ABCA4: variants seen among roughly 807,000 people sequenced by gnomAD.
The protein encoded by ABCA4 is retinal-specific phospholipid-transporting ATPase ABCA4.
Under a neutral mutation model 263.7 loss-of-function variants are expected in ABCA4, and 196 were observed. The observed-to-expected ratio is 0.74, with a 90% CI of 0.66 to 0.84. The LOEUF is 0.84. ABCA4 is among the 40% of genes least tolerant of loss of function. ABCA4 has a pLI of 0.00. For missense variants in ABCA4, 2,792 were observed against 2,855.1 expected (o/e 0.98, Z 0.50); for synonymous variants, 1,133 against 1,094.2 (o/e 1.04, Z -0.70).
At chr1:94,106,356 C>T (rs1662433813) in intron 4 of ABCA4, among the ~76,000 whole-genome samples, 1 of 152,174 alleles carries the variant, frequency 6.6e-6, no homozygotes, top group African/African-American at 2.4e-5. Context: ...ACACTTCCTC[C>T]CAGCAGGACT....
intron 16 of ABCA4, among the ~76,000 whole-genome samples, chr1:94,054,223 A>G (rs1400310479): frequency 1.3e-5 from 2 of 152,262 alleles, no homozygotes; most frequent in East Asian, 3.8e-4. Flanking sequence ...AAGGTCAGGC[A>G]CTATTCTGGG....
chr1:94,116,982 CTTTCTTTCTTTCTTTCTTTCTTTCT>C (rs1279852271), intron 1 of ABCA4, among the ~76,000 whole-genome samples: 2 of 105,402 alleles, frequency 1.9e-5, no homozygotes, highest in African/African-American at 7.3e-5. Flanking sequence ...TTCTTTCTTT[CTTTCTTTCTTTCTTTCTTTCTTTCT>C]TTCTTTCTTT....
At chr1:94,080,026 T>C (rs918443803) in intron 8 of ABCA4, among the ~76,000 whole-genome samples, 1 of 151,368 alleles carries the variant, frequency 6.6e-6, no homozygotes, top group African/African-American at 2.4e-5. Flanking sequence ...GTGGGGAAGA[T>C]GATTTGCCAG....
chr1:94,070,471 T>C (rs1661373620), intron 11 of ABCA4, among the ~76,000 whole-genome samples: 1 of 152,188 alleles, frequency 6.6e-6, no homozygotes, highest in Admixed American at 6.5e-5. Flanking sequence ...TGAAATTGTC[T>C]TTCTTCCTTG....
At chr1:94,083,721 T>C (rs1661763490) in intron 6 of ABCA4, among the ~76,000 whole-genome samples, 1 of 152,214 alleles carries the variant, frequency 6.6e-6, no homozygotes, top group Admixed American at 6.5e-5. Flanking sequence ...TTCTAATTGC[T>C]GTTTTAGTGA....
intron 11 of ABCA4, among the ~76,000 whole-genome samples, chr1:94,073,254 C>T (rs914193552): frequency 2.0e-5 from 3 of 152,176 alleles, no homozygotes; most frequent in Non-Finnish European, 4.4e-5. Flanking sequence ...TTCATTGCCC[C>T]TTGCTTTCCT....
Position 94,077,767 on chromosome 1 carries a change from C to T in ABCA4, c.1477G>A (p.Asp493Asn), listed in dbSNP as rs541850518. The change falls in exon 11 of 50, where the codon GAC becomes AAC. Residue 493 changes from aspartate to asparagine, a missense_variant. Asp to Asn is a conservative substitution (Grantham distance 23). Coordinates refer to ENST00000370225, the MANE Select transcript of ABCA4 (RefSeq NM_000350.3). Reference sequence around the variant, plus strand: ...TCCCTCCAGTCGAAGTTGGCCATGTCGTCAGCCTGGCTTTCCCGAGGGCCC... The same window carrying T: ...TCCCTCCAGTCGAAGTTGGCCATGTTGTCAGCCTGGCTTTCCCGAGGGCCC... ...YKGPRESQAD[D>N]MANFDWRDIF... is the part of the protein sequence containing the mutation. 175 of 1,614,144 alleles carry T rather than the reference C, an allele frequency of 1.1e-4. 2 individuals carry two copies. In the South Asian group the frequency reaches 1.6e-3, roughly 14 times the overall value.
At chr1:94,082,610 C>T (rs920453229) in intron 7 of ABCA4, among the ~76,000 whole-genome samples, 1 of 152,130 alleles carries the variant, frequency 6.6e-6, no homozygotes, top group Non-Finnish European at 1.5e-5. Flanking sequence ...TGCAGTTTTC[C>T]AGGTTGGTGG....
chr1:94,099,375 G>T (rs1483436072), intron 5 of ABCA4, among the ~76,000 whole-genome samples: 1 of 152,208 alleles, frequency 6.6e-6, no homozygotes, highest in Non-Finnish European at 1.5e-5. Context: ...AGTAAGGAAT[G>T]CAGTCCTGCT....
At chr1:94,067,487 A>T (rs1156592758) in intron 11 of ABCA4, among the ~76,000 whole-genome samples, 1 of 152,188 alleles carries the variant, frequency 6.6e-6, no homozygotes, top group African/African-American at 2.4e-5. Flanking sequence ...AAAAAACTTA[A>T]AAGATTCTCA....
At chr1:94,060,473 C>T (rs1269116642) in intron 14 of ABCA4, 64 bp downstream of exon 14, 1 of 1,461,712 alleles carries the variant, frequency 6.8e-7, no homozygotes. Flanking sequence ...GGCACATGAA[C>T]AGGAGGAAAG....
In ABCA4 at chr1:94,108,700, G is replaced by C. The variant is rs765429911; in HGVS notation, c.319C>G (p.Arg107Gly). The change falls in exon 4 of 50, where the codon CGA (arginine) becomes GGA (glycine). Residue 107 changes from arginine (R) to glycine (G), a missense_variant. Arg to Gly is a moderately radical substitution (Grantham distance 125, BLOSUM62 -2). Coordinates refer to ENST00000370225, the MANE Select transcript of ABCA4 (RefSeq NM_000350.3). Reference protein sequence around the residue: ...YNNSILARVYRDFQELLMNAP... With the variant: ...YNNSILARVYGDFQELLMNAP... ...TTCATGAGGAGTTCTTGAAAATCTC[G>C]ATATACCCTTGCCAAGCTGTAAGGA... 2 of 1,613,936 alleles carry C rather than the reference G, an allele frequency of 1.2e-6. No homozygotes were observed. Among genetic ancestry groups the C allele is most frequent in the African/African-American group, 1.3e-5 (1 of 75,002 alleles).
At chr1:94,029,694 T>C in intron 29 of ABCA4, 63 bp from the exon 30 acceptor site, 1 of 1,485,212 alleles carries the variant, frequency 6.7e-7, no homozygotes. Context: ...TCCCTAGGCA[T>C]AAGAAATTGT....
rs886044733 is a variant in ABCA4, at chr1:94,044,754, A to G, written c.2919-10T>C. The stretch of plus-strand genomic sequence containing the variant: ...ACCCGTCAGGATGGACCTGCAGAAC[A>G]CAGGCGTCAGTGGCAGAAGAGATGG... On this transcript the variant is annotated splice_polypyrimidine_tract_variant and intron_variant, in intron 19 of 49. Transcript: ENST00000370225. 9 of 1,614,094 alleles carry G rather than the reference A, an allele frequency of 5.6e-6. No individual in the cohort carries two copies. The highest frequency in any genetic ancestry group is 7.6e-6 in the Non-Finnish European group (9 of 1,180,032).
intron 4 of ABCA4, among the ~76,000 whole-genome samples, chr1:94,104,181 C>T (rs968352007): frequency 2.6e-5 from 4 of 152,198 alleles, no homozygotes; most frequent in African/African-American, 9.7e-5. Flanking sequence ...GGCCTCAACC[C>T]TGCTAGTGCT....
At chr1:94,090,525 T>C (rs1321101469) in intron 6 of ABCA4, among the ~76,000 whole-genome samples, 1 of 152,088 alleles carries the variant, frequency 6.6e-6, no homozygotes, top group Admixed American at 6.6e-5. Context: ...TCAACTCATT[T>C]CAAACTACCT....
chr1:94,057,049 A>G (rs1436252622), intron 14 of ABCA4, among the ~76,000 whole-genome samples: 1 of 152,228 alleles, frequency 6.6e-6, no homozygotes, highest in Non-Finnish European at 1.5e-5. Flanking sequence ...TTGGGAGACC[A>G]TTAGGTTGAA....
chr1:94,049,499 C>T (rs1003380701), intron 17 of ABCA4, among the ~76,000 whole-genome samples: 2 of 152,136 alleles, frequency 1.3e-5, no homozygotes, highest in African/African-American at 4.8e-5. Context: ...TGGCGCTCAC[C>T]TGTAATCCCA....
chr1:94,104,174 C>T (rs570890358), intron 4 of ABCA4, among the ~76,000 whole-genome samples: 21 of 152,226 alleles, frequency 1.4e-4, no homozygotes, highest in Non-Finnish European at 2.9e-4. Context: ...AATGCTTGGC[C>T]TCAACCCTGC....
Sources: allele counts gnomAD v4.1 joint callset (sites outside exome capture counted in the v4.1 genomes callset), GRCh38; gene constraint gnomAD v4.1.1; transcripts MANE v1.5; gene names NCBI Gene and HGNC (gene_info 2026-07-23, HGNC 2026-07-21).